The following IL12RB1 variants were observed in gnomAD, a reference collection of about 807,000 sequenced individuals.
IL12RB1 encodes the protein interleukin-12 receptor subunit beta-1.
IL12RB1 carries 64 observed loss-of-function variants against 94.4 expected under a neutral mutation model. The observed-to-expected ratio is 0.68, with a 90% CI of 0.55 to 0.83. The LOEUF (loss-of-function observed/expected upper bound fraction) is 0.83, where lower values mean the gene tolerates loss of function less well. Ranked by LOEUF, IL12RB1 falls within the 40% of genes least tolerant of loss-of-function variation. IL12RB1 has a pLI of 0.00. For missense variants in IL12RB1, 814 were observed against 855.6 expected, an observed-to-expected ratio of 0.95 and a Z score of 0.61; for synonymous variants, 362 against 355.5, an observed-to-expected ratio of 1.02 and a Z score of -0.21.
At chr19:18,098,870 G>T (rs2037277464) in exon 1 of IL12RB1, 1 of 453,090 alleles carries the variant, frequency 2.2e-6, no homozygotes, top group Non-Finnish European at 4.4e-6. Context: ...GGAGGTAGAC[G>T]CCAGAGCAGC....
rs1436760661 is a variant in IL12RB1, at chr19:18,070,467, G to A, written c.1022-754C>T. On this transcript the variant is annotated intron_variant, in intron 9 of 16. Coordinates refer to ENST00000593993, the MANE Select transcript of IL12RB1 (RefSeq NM_005535.3). ...TCTCATGCCAAACTCAGAAGCACGA[G>A]CACACACCCACTCAGTCCCTGGGCA... 5.3e-6 allele frequency: 5 copies of A among 942,780 alleles called. No individual in the cohort carries two copies. The Admixed American group carries it at 3.1e-4, about 58-fold the overall frequency. 58.4% of individuals were successfully genotyped at this position (942,780 alleles called of 1,614,324 possible).
In IL12RB1 at chr19:18,070,131, G is replaced by A. The variant is rs187971288; in HGVS notation, c.1022-418C>T. On this transcript the variant is annotated intron_variant, in intron 9 of 16. Coordinates refer to ENST00000593993, the MANE Select transcript of IL12RB1 (RefSeq NM_005535.3). Reference sequence around the variant, plus strand: ...GATGGGGTTTCACCGTGTTGCCCAGGCTGGTCTCGAACTCCTGACCTCCAG... The same window carrying A: ...GATGGGGTTTCACCGTGTTGCCCAGACTGGTCTCGAACTCCTGACCTCCAG... 2.6e-5 allele frequency among the ~76,000 whole-genome samples: 4 copies of A among 152,168 alleles called. No homozygotes were observed. In the East Asian group the frequency reaches 7.7e-4, roughly 29 times the overall value.
At chr19:18,096,821 G>A (rs951814575) in intron 1 of IL12RB1, among the ~76,000 whole-genome samples, 2 of 139,824 alleles carry the variant, frequency 1.4e-5, no homozygotes, top group African/African-American at 2.8e-5. Context: ...AGAGAGACTC[G>A]TCTCATAAAT....
intron 1 of IL12RB1, among the ~76,000 whole-genome samples, chr19:18,085,379 C>T (rs1164611554): frequency 6.9e-6 from 1 of 145,780 alleles, no homozygotes; most frequent in African/African-American, 2.5e-5. Flanking sequence ...CATCCTCCTT[C>T]CCTTTCCCTG....
At chr19:18,061,427 G>A (rs2034120613) in intron 14 of IL12RB1, among the ~76,000 whole-genome samples, 1 of 152,006 alleles carries the variant, frequency 6.6e-6, no homozygotes, top group South Asian at 2.1e-4. Context: ...GAGAGGTTTC[G>A]CCATGTTGGC....
In IL12RB1 at chr19:18,073,565, C is replaced by T. The variant is rs17878522; in HGVS notation, c.735G>A (p.Val245=). The change falls in exon 8 of 17, where the codon GTG becomes GTA. Residue 245 remains valine (V), a synonymous_variant. Coordinates refer to ENST00000593993, the MANE Select transcript of IL12RB1 (RefSeq NM_005535.3). Reference sequence around the variant, plus strand: ...TCCTCCCATCCTGGCCCAGCTGCTCCACCGAGAATCTCACCTGAGGCTGTG... The same window carrying T: ...TCCTCCCATCCTGGCCCAGCTGCTCTACCGAGAATCTCACCTGAGGCTGTG... The part of the protein sequence containing the change: ...NPPQPQVRFS[V]EQLGQDGRRR... 291 of 1,613,000 alleles carry T rather than the reference C, an allele frequency of 1.8e-4. No individual in the cohort carries two copies. The highest frequency in any genetic ancestry group is 6.6e-4 in the Middle Eastern group (4 of 6,082).
upstream of IL12RB1, chr19:18,086,972 G>A (rs371025968): frequency 5.9e-6 from 9 of 1,512,882 alleles, no homozygotes; most frequent in South Asian, 9.7e-5. Context: ...AAGTGTCACA[G>A]CCCATCCCTA....
At chr19:18,092,429 G>C (rs965595054) in intron 1 of IL12RB1, among the ~76,000 whole-genome samples, 47 of 151,854 alleles carry the variant, frequency 3.1e-4, no homozygotes, top group African/African-American at 1.1e-3. Context: ...AGCGGGGTTT[G>C]CGGTGAGCCA....
intron 2 of IL12RB1, 100 bp from the exon 3 acceptor site, chr19:18,082,364 C>T (rs1216538436): frequency 1.3e-6 from 1 of 743,722 alleles, no homozygotes; most frequent in African/African-American, 1.7e-5. Flanking sequence ...AGCGTCACCT[C>T]AGCCTAAACC....
At chr19:18,093,961 T>G (rs1424529675) in intron 1 of IL12RB1, among the ~76,000 whole-genome samples, 1 of 152,102 alleles carries the variant, frequency 6.6e-6, no homozygotes, top group Non-Finnish European at 1.5e-5. Context: ...CCCTGAGGGG[T>G]CATCTAAAGA....
chr19:18,079,590 T>TA (rs1172124834), intron 4 of IL12RB1, among the ~76,000 whole-genome samples: 4 of 152,210 alleles, frequency 2.6e-5, no homozygotes, highest in African/African-American at 9.6e-5. Flanking sequence ...GGTGCCTAGA[T>TA]ATTCGACTTT....
In IL12RB1 at chr19:18,069,500, G is replaced by T. The variant is rs1004523460; in HGVS notation, c.1189+46C>A. 2.0e-6 allele frequency: 3 copies of T among 1,538,404 alleles called. No individual in the cohort carries two copies. The African/African-American group carries it at 4.1e-5, about 21-fold the overall frequency. On this transcript the variant is annotated intron_variant, in intron 10 of 16. Coordinates refer to ENST00000593993, the MANE Select transcript of IL12RB1 (RefSeq NM_005535.3). ...GTTTGAACCCACCAGGACCTAAAAG[G>T]GAGGGCACAGAGGAGGGGTAGGCGC...
chr19:18,074,976 C>T (rs1330908623), intron 7 of IL12RB1, among the ~76,000 whole-genome samples: 4 of 150,940 alleles, frequency 2.7e-5, no homozygotes, highest in South Asian at 2.1e-4. Flanking sequence ...GGCGTGAACC[C>T]GGGAGGCGGA....
At chr19:18,081,289 T>C (rs1368479521) in intron 3 of IL12RB1, among the ~76,000 whole-genome samples, 1 of 151,378 alleles carries the variant, frequency 6.6e-6, no homozygotes, top group East Asian at 2.0e-4. Flanking sequence ...AGAGATGGAG[T>C]TTCACCATGT....
intron 1 of IL12RB1, chr19:18,097,806 G>C (rs1261071718): frequency 4.1e-6 from 5 of 1,225,130 alleles, no homozygotes; most frequent in Non-Finnish European, 4.1e-6. Context: ...GACGAGTCGA[G>C]CCTCCTGCGG....
chr19:18,096,252 T>A (rs74661011), intron 1 of IL12RB1, among the ~76,000 whole-genome samples: 12,878 of 148,998 alleles, frequency 0.086, 677 homozygotes, highest in Admixed American at 0.17. Context: ...AAAAAAAAAA[T>A]TTTTTTTTAA....
Position 18,069,724 on chromosome 19 carries a change from A to G in IL12RB1, c.1022-11T>C. On this transcript the variant is annotated splice_polypyrimidine_tract_variant and intron_variant, in intron 9 of 16. Transcript: ENST00000593993. ...TCAGAGCCACTGGTTCTGGAAGGAG[A>G]GGGGAGAGACGCATCGAGACAGTTG... The G allele has an allele frequency of 6.2e-7, 1 of 1,602,500 alleles. No homozygotes were observed.
chr19:18,074,922 G>A (rs2035338394), intron 7 of IL12RB1, among the ~76,000 whole-genome samples: 1 of 150,696 alleles, frequency 6.6e-6, no homozygotes, highest in Non-Finnish European at 1.5e-5. Context: ...CGTGGTTGCA[G>A]ACACCTGTAG....
chr19:18,083,531 G>C (rs1599561669), intron 1 of IL12RB1, 40 bp from the exon 2 acceptor site: 4 of 1,599,588 alleles, frequency 2.5e-6, no homozygotes, highest in Non-Finnish European at 2.6e-6. Context: ...TCCTGGCCTT[G>C]CACTGTGTGG....
Sources: gnomAD v4.1 joint callset for allele counts (sites outside exome capture counted in the v4.1 genomes callset) on GRCh38, gnomAD v4.1.1 for gene constraint, MANE v1.5 for transcripts, NCBI Gene and HGNC (gene_info 2026-07-23, HGNC 2026-07-21) for gene names.